Variants in GPAT3 observed in about 807,000 individuals in gnomAD.
GPAT3 encodes the protein 1-AGP acyltransferase 9.
GPAT3 carries 53 observed loss-of-function variants against 58.8 expected under a neutral mutation model. That is an observed-to-expected ratio of 0.90 (90% CI 0.72 to 1.13). The LOEUF (loss-of-function observed/expected upper bound fraction) is 1.13. GPAT3 is among the 50% of genes most tolerant of loss of function. The pLI, the probability that GPAT3 is intolerant of heterozygous loss-of-function variation, is 0.00. For synonymous variants in GPAT3, 197 were observed against 187.4 expected (o/e 1.05, Z -0.42); for missense variants, 511 against 527.6 (o/e 0.97, Z 0.31).
At chr4:83,536,856 G>C in intron 1 of GPAT3, 93 bp downstream of exon 1, 2 of 1,222,896 alleles carry the variant, frequency 1.6e-6, no homozygotes, top group Non-Finnish European at 2.3e-6. Context: ...CGAGTCAGGG[G>C]TGTGTGTGCG....
intron 1 of GPAT3, among the ~76,000 whole-genome samples, chr4:83,542,086 A>T (rs528307605): frequency 1.3e-5 from 2 of 152,246 alleles, no homozygotes; most frequent in Admixed American, 6.5e-5. Context: ...GACATAATTC[A>T]GCCCATAACA....
intron 2 of GPAT3, 81 bp downstream of exon 2, chr4:83,544,683 G>A: frequency 7.7e-7 from 1 of 1,305,166 alleles, no homozygotes; most frequent in Non-Finnish European, 1.1e-6. Flanking sequence ...CTTGAAATAT[G>A]CAGAGAGCAG....
chr4:83,579,264 G>A lies in GPAT3; in HGVS notation c.209-2298G>A, dbSNP rs951820514. On this transcript the variant is annotated intron_variant, in intron 2 of 11. Transcript: ENST00000264409. The stretch of plus-strand genomic sequence containing the variant: ...TTTTCTCCCTTTCCCTTCCCTTCCC[G>A]CCCCTCCCCTCTGTTCCCCTCCCCT... Among the ~76,000 whole-genome samples, 22 of 26,336 alleles carry A rather than the reference G, an allele frequency of 8.4e-4. 1 individual carries two copies. Among genetic ancestry groups the A allele is most frequent in the South Asian group, 1.6e-3 (1 of 622 alleles). The allele number at this position is 26,336 out of a possible 152,430, so 17.3% of individuals were successfully genotyped here.
chr4:83,569,587 G>A (rs537068255), intron 2 of GPAT3, among the ~76,000 whole-genome samples: 3 of 152,334 alleles, frequency 2.0e-5, no homozygotes, highest in South Asian at 4.1e-4. Context: ...CTGCCGTGTA[G>A]AGGCCTTGAA....
At chr4:83,548,151 A>G (rs113271335) in intron 2 of GPAT3, among the ~76,000 whole-genome samples, 49 of 152,348 alleles carry the variant, frequency 3.2e-4, no homozygotes, top group African/African-American at 1.2e-3. Context: ...CTAGAGCCAC[A>G]GCATAGAAGG....
intron 7 of GPAT3, among the ~76,000 whole-genome samples, chr4:83,595,689 A>G (rs911767170): frequency 1.3e-5 from 2 of 152,030 alleles, no homozygotes; most frequent in African/African-American, 4.8e-5. Context: ...CCTCCAGCCT[A>G]GGCAACAGGG....
chr4:83,586,300 G>A (rs1468247650), intron 3 of GPAT3, among the ~76,000 whole-genome samples: 2 of 152,182 alleles, frequency 1.3e-5, no homozygotes, highest in African/African-American at 4.8e-5. Flanking sequence ...CCTGGAGAGG[G>A]TTACTGTTCC....
chr4:83,601,601 A>C (rs1396108888), intron 11 of GPAT3, among the ~76,000 whole-genome samples: 2 of 152,176 alleles, frequency 1.3e-5, no homozygotes, highest in African/African-American at 2.4e-5. Context: ...AAAAGAATAC[A>C]AAAATTAGCT....
At chr4:83,535,947 T>TA (rs1435711935), upstream of GPAT3, 48 of 985,420 alleles carry the variant, frequency 4.9e-5, no homozygotes, top group Non-Finnish European at 5.7e-5. Flanking sequence ...GGACCTTTGC[T>TA]GAGTGCTGGG....
At chr4:83,590,385 G>A in intron 6 of GPAT3, 93 bp downstream of exon 6, 2 of 1,243,412 alleles carry the variant, frequency 1.6e-6, no homozygotes, top group South Asian at 1.3e-5. Context: ...TTGGTTTTAT[G>A]TTAGAAATTT....
Position 83,536,420 on chromosome 4 carries a change from C to A in GPAT3, c.-203C>A, listed in dbSNP as rs1724085448. On this transcript the variant is annotated 5_prime_UTR_variant, in exon 1 of 12. Coordinates refer to ENST00000264409, the MANE Select transcript of GPAT3 (RefSeq NM_032717.5). ...AGCCAGCGGAGAAAGAGTTAACTGG[C>A]AGGGGCGAGGAGGAGCCCAGGGAGG... is the stretch of plus-strand genomic sequence containing the variant. 7.3e-7 allele frequency: 1 copy of A among 1,367,960 alleles called. No homozygotes were observed. The highest frequency in any genetic ancestry group is 9.4e-7 in the Non-Finnish European group (1 of 1,061,918). 84.7% of individuals were successfully genotyped at this position (1,367,960 alleles called of 1,614,324 possible).
At chr4:83,537,563 TA>T (rs201776103) in intron 1 of GPAT3, among the ~76,000 whole-genome samples, 2,662 of 151,054 alleles carry the variant, frequency 0.018, 81 homozygotes, top group African/African-American at 0.062. Flanking sequence ...AGTCTTTTTT[TA>T]AAAAAAAATT....
At chr4:83,580,452 G>A (rs1005827164) in intron 2 of GPAT3, among the ~76,000 whole-genome samples, 3 of 152,110 alleles carry the variant, frequency 2.0e-5, no homozygotes, top group African/African-American at 7.2e-5. Flanking sequence ...GAACACCCTT[G>A]CCTACATTTG....
At chr4:83,550,410 T>C (rs1724711322) in intron 2 of GPAT3, among the ~76,000 whole-genome samples, 1 of 152,092 alleles carries the variant, frequency 6.6e-6, no homozygotes, top group Non-Finnish European at 1.5e-5. Flanking sequence ...TGTCTGATGA[T>C]GATGATGATG....
chr4:83,547,117 C>G (rs1473214218), intron 2 of GPAT3, among the ~76,000 whole-genome samples: 1 of 151,864 alleles, frequency 6.6e-6, no homozygotes, highest in Non-Finnish European at 1.5e-5. Flanking sequence ...ACAGGCAGGC[C>G]AAGGACCCCA....
chr4:83,543,766 G>C (rs1724398854), intron 1 of GPAT3, among the ~76,000 whole-genome samples: 3 of 151,982 alleles, frequency 2.0e-5, no homozygotes, highest in Admixed American at 2.0e-4. Context: ...TCAGCCTCCA[G>C]AGTAGCTAGG....
intron 6 of GPAT3, among the ~76,000 whole-genome samples, chr4:83,591,340 C>T (rs754294131): frequency 5.3e-5 from 8 of 152,166 alleles, no homozygotes; most frequent in South Asian, 2.1e-4. Flanking sequence ...TGTGTTTAAT[C>T]TGTCTAAAAT....
chr4:83,562,795 T>TATAGATAGATAG (rs59104462), intron 2 of GPAT3, among the ~76,000 whole-genome samples: 3,859 of 150,606 alleles, frequency 0.026, 85 homozygotes, highest in Non-Finnish European at 0.037. Context: ...TAGAAAGAGA[T>TATAGATAGATAG]ATAGATAGAT....
At chr4:83,564,329 G>T (rs1725301809) in intron 2 of GPAT3, among the ~76,000 whole-genome samples, 1 of 151,952 alleles carries the variant, frequency 6.6e-6, no homozygotes, top group Non-Finnish European at 1.5e-5. Context: ...AATTTTTCTG[G>T]GAACTATCTA....
Sources: allele counts gnomAD v4.1 joint callset (sites outside exome capture counted in the v4.1 genomes callset), GRCh38; gene constraint gnomAD v4.1.1; transcripts MANE v1.5; gene names NCBI Gene and HGNC (gene_info 2026-07-23, HGNC 2026-07-21).